Variants in SND1 observed in about 807,000 individuals in gnomAD.
SND1 encodes staphylococcal nuclease and tudor domain containing 1, also known as staphylococcal nuclease domain-containing protein 1.
In SND1, 38 loss-of-function variants were observed where a neutral mutation model predicts 121.7. The observed-to-expected ratio is 0.31, with a 90% CI of 0.24 to 0.41. The LOEUF is 0.41. Among genes scored for constraint, SND1 ranks in the 10% least tolerant of loss-of-function variants. The pLI is 1.00. For synonymous variants in SND1, 401 were observed against 447.4 expected (o/e 0.90, Z 1.31); for missense variants, 868 against 1,184.6 (o/e 0.73, Z 3.92).
chr7:127,746,722 T>C (rs1443902049), intron 10 of SND1, among the ~76,000 whole-genome samples: 2 of 152,186 alleles, frequency 1.3e-5, no homozygotes, highest in African/African-American at 4.8e-5. Context: ...AGTATGGTGG[T>C]GTCTTAGGCT....
rs530907303 is a variant in SND1, at chr7:127,883,657, T to G, written c.1344-4245T>G. Among the ~76,000 whole-genome samples the G allele has an allele frequency of 2.0e-4, 30 of 152,298 alleles. No individual in the cohort carries two copies. In the Middle Eastern group the frequency reaches 0.01, roughly 52 times the overall value. On this transcript the variant is annotated intron_variant, in intron 12 of 23. Coordinates refer to ENST00000354725, the MANE Select transcript of SND1 (RefSeq NM_014390.4). ...ATATTAACACATTGCTATCATCTAA[T>G]CCACAAACCTACTCAAATTTTGCCA...
At chr7:127,694,708 G>C (rs144304764) in intron 2 of SND1, 120 bp from the exon 3 acceptor site, 3 of 1,168,494 alleles carry the variant, frequency 2.6e-6, no homozygotes, top group East Asian at 4.8e-5. Context: ...TCAAGGTCCA[G>C]CGCAGGGCCA....
intron 15 of SND1, among the ~76,000 whole-genome samples, chr7:127,951,117 C>G (rs1247559159): frequency 6.6e-6 from 1 of 152,122 alleles, no homozygotes; most frequent in Non-Finnish European, 1.5e-5. Context: ...ACTTGCAGTC[C>G]CCTGTTCATT....
At chr7:127,977,124 T>C (rs1250698984) in intron 15 of SND1, among the ~76,000 whole-genome samples, 1 of 152,070 alleles carries the variant, frequency 6.6e-6, no homozygotes. Flanking sequence ...GCTTCCGGAG[T>C]CGGCTCTCAA....
chr7:128,074,589 G>C lies in SND1; in HGVS notation c.1867G>C (p.Val623Leu). Residue 623 changes from valine (V) to leucine (L), a missense_variant, in exon 17 of 24, where the codon GTG becomes CTG. Around this residue, in one of 2 missense-constraint regions of SND1, gnomAD observed 743 missense variants for 1,071.3 expected, o/e 0.69. Coordinates refer to ENST00000354725, the MANE Select transcript of SND1 (RefSeq NM_014390.4). ...CGGTGCCAACCTGTCCGTCCTGCTG[G>C]TGGAGCACGCGCTCTCCAAGGTCCA... is the stretch of plus-strand genomic sequence containing the variant. ...IDGANLSVLL[V>L]EHALSKVHFT... 6.2e-7 allele frequency: 1 copy of C among 1,613,830 alleles called. No individual in the cohort carries two copies. The highest frequency in any genetic ancestry group is 2.2e-5 in the East Asian group (1 of 44,866).
chr7:128,022,155 A>C (rs983126998), intron 16 of SND1, among the ~76,000 whole-genome samples: 17 of 144,848 alleles, frequency 1.2e-4, no homozygotes, highest in Non-Finnish European at 2.3e-4. Flanking sequence ...CAGTGAGCCG[A>C]GATCACACCA....
Position 127,834,756 on chromosome 7 carries a change from T to C in SND1, c.1243-9568T>C, listed in dbSNP as rs543777326. 1.1e-4 allele frequency among the ~76,000 whole-genome samples: 16 copies of C among 152,356 alleles called. 1 individual carries two copies. The highest frequency in any genetic ancestry group is 3.6e-4 in the African/African-American group (15 of 41,588). On this transcript the variant is annotated intron_variant, in intron 11 of 23. Coordinates refer to ENST00000354725, the MANE Select transcript of SND1 (RefSeq NM_014390.4). Reference sequence around the variant, plus strand: ...ATTGGCGTGTATTCCTAAAGAATTATTGTGTTTTTTCTTCATGATTTTCCT... The same window carrying C: ...ATTGGCGTGTATTCCTAAAGAATTACTGTGTTTTTTCTTCATGATTTTCCT...
chr7:127,948,050 C>T (rs963306464), intron 15 of SND1, among the ~76,000 whole-genome samples: 10 of 152,094 alleles, frequency 6.6e-5, no homozygotes, highest in Non-Finnish European at 8.8e-5. Flanking sequence ...GGTAGGAAAC[C>T]TAATTCAAGG....
intron 16 of SND1, among the ~76,000 whole-genome samples, chr7:128,066,045 C>T (rs180867198): frequency 2.8e-4 from 43 of 152,314 alleles, no homozygotes; most frequent in African/African-American, 6.7e-4. Flanking sequence ...GAACAGATTG[C>T]GTCAGTTTGT....
At chr7:127,875,237 A>G (rs1055139408) in intron 12 of SND1, among the ~76,000 whole-genome samples, 1 of 152,168 alleles carries the variant, frequency 6.6e-6, no homozygotes, top group African/African-American at 2.4e-5. Context: ...AGTAAAATCA[A>G]TCAGCTAGCC....
At chr7:127,767,051 AAG>A (rs1057397116) in intron 10 of SND1, among the ~76,000 whole-genome samples, 5 of 152,016 alleles carry the variant, frequency 3.3e-5, no homozygotes, top group African/African-American at 1.2e-4. Context: ...GTTAGATGGG[AAG>A]AGAGAGAGAT....
chr7:127,883,430 G>A (rs992392492), intron 12 of SND1, among the ~76,000 whole-genome samples: 3 of 152,104 alleles, frequency 2.0e-5, no homozygotes, highest in Admixed American at 6.6e-5. Flanking sequence ...AAACTGTCCA[G>A]TTTACTTCAC....
At chr7:127,894,404 A>C (rs1177112913) in intron 13 of SND1, among the ~76,000 whole-genome samples, 1 of 151,898 alleles carries the variant, frequency 6.6e-6, no homozygotes, top group Non-Finnish European at 1.5e-5. Flanking sequence ...AAAAGAAGAA[A>C]GAAACTGTTG....
intron 10 of SND1, among the ~76,000 whole-genome samples, chr7:127,793,825 TC>T (rs1475597330): frequency 6.6e-6 from 1 of 152,126 alleles, no homozygotes; most frequent in East Asian, 1.9e-4. Flanking sequence ...CACCTGACTG[TC>T]CTGTGCACTG....
At chr7:127,870,593 A>G (rs1403383249) in intron 12 of SND1, among the ~76,000 whole-genome samples, 5 of 152,184 alleles carry the variant, frequency 3.3e-5, no homozygotes, top group Admixed American at 1.3e-4. Context: ...ATATAACACA[A>G]TGGTAAGTAT....
intron 10 of SND1, among the ~76,000 whole-genome samples, chr7:127,745,307 A>AT (rs1360645858): frequency 6.6e-6 from 1 of 152,190 alleles, no homozygotes; most frequent in Admixed American, 6.5e-5. Context: ...ACACAGTGGT[A>AT]TTTGTGTATC....
intron 2 of SND1, among the ~76,000 whole-genome samples, chr7:127,692,078 G>A (rs183743687): frequency 5.6e-4 from 85 of 152,290 alleles, no homozygotes; most frequent in Admixed American, 1.3e-3. Context: ...ATGGCACGGT[G>A]GGGTGGTTGG....
intron 10 of SND1, among the ~76,000 whole-genome samples, chr7:127,765,838 A>G (rs1797400726): frequency 6.6e-6 from 1 of 152,204 alleles, no homozygotes; most frequent in African/African-American, 2.4e-5. Flanking sequence ...ATAAGATCAT[A>G]TTTTGACCCA....
chr7:127,991,173 A>G (rs1478847972), intron 16 of SND1, 117 bp downstream of exon 16: 2 of 685,814 alleles, frequency 2.9e-6, no homozygotes, highest in Non-Finnish European at 5.0e-6. Flanking sequence ...TTGCACATCC[A>G]TAATCCATTC....
Sources: allele counts gnomAD v4.1 joint callset (sites outside exome capture counted in the v4.1 genomes callset), GRCh38; gene constraint gnomAD v4.1.1; regional missense constraint gnomAD v4.1.1; transcripts MANE v1.5; gene names NCBI Gene and HGNC (gene_info 2026-07-23, HGNC 2026-07-21).